The following C8orf48 variants were observed in gnomAD, a reference collection of about 807,000 sequenced individuals.
The protein encoded by C8orf48 is uncharacterized protein C8orf48.
For synonymous variants in C8orf48, 188 were observed against 138.2 expected, an observed-to-expected ratio of 1.36 and a Z score of -2.53; for missense variants, 580 against 363.3, an observed-to-expected ratio of 1.60 and a Z score of -4.85.
chr8:13,567,838 C>A lies in C8orf48; in HGVS notation c.847C>A (p.Gln283Lys). 1 of 1,551,828 alleles carries A rather than the reference C, an allele frequency of 6.4e-7. No individual in the cohort carries two copies. Among genetic ancestry groups the A allele is most frequent in the Non-Finnish European group, 8.7e-7 (1 of 1,147,016 alleles). The change falls in exon 1 of 1, where the codon CAG becomes AAG. Residue 283 changes from glutamine to lysine, a missense_variant. By Grantham distance (53) the Gln-to-Lys change is moderately conservative. Coordinates refer to ENST00000297324, the MANE Select transcript of C8orf48 (RefSeq NM_001007090.3). ...YSGFERSETEQKLQRDGNSAC... is the reference protein window; with the variant it reads ...YSGFERSETEKKLQRDGNSAC... ...TGGTTTTGAAAGATCAGAGACAGAG[C>A]AGAAGTTGCAGCGAGATGGAAATAG...
chr8:13,567,596 G>T lies in C8orf48; in HGVS notation c.605G>T (p.Cys202Phe), dbSNP rs752134623. The change falls in exon 1 of 1, where the codon TGT (cysteine) becomes TTT (phenylalanine). Residue 202 changes from cysteine to phenylalanine, a missense_variant. By Grantham distance (205) the Cys-to-Phe change is radical. Coordinates refer to ENST00000297324, the MANE Select transcript of C8orf48 (RefSeq NM_001007090.3). ...KQHISYQCPY[C>F]NRKRAELALS... The stretch of plus-strand genomic sequence containing the variant: ...CACATATCTTATCAGTGTCCCTATT[G>T]TAACAGGAAAAGAGCGGAGCTGGCC... 54 of 1,551,634 alleles carry T rather than the reference G, an allele frequency of 3.5e-5. No individual in the cohort carries two copies. The highest frequency in any genetic ancestry group is 3.3e-4 in the Middle Eastern group (2 of 6,014).
Position 13,567,323 on chromosome 8 carries a change from T to G in C8orf48, c.332T>G (p.Ile111Ser). Residue 111 changes from isoleucine to serine, a missense_variant, in exon 1 of 1, where the codon ATC becomes AGC. Ile to Ser is a moderately radical substitution (Grantham distance 142). Transcript: ENST00000297324. ...HQPDTKLPTE[I>S]TRVSDEELNA... The stretch of plus-strand genomic sequence containing the variant: ...CCAGACACCAAACTTCCAACAGAAA[T>G]CACTCGGGTATCAGATGAAGAATTG... 3.2e-6 allele frequency: 5 copies of G among 1,551,620 alleles called. No homozygotes were observed. The highest frequency in any genetic ancestry group is 4.4e-6 in the Non-Finnish European group (5 of 1,147,002).
Position 13,567,480 on chromosome 8 carries a change from C to G in C8orf48, c.489C>G (p.Ala163=). 6.4e-7 allele frequency: 1 copy of G among 1,552,054 alleles called. No homozygotes were observed. The highest frequency in any genetic ancestry group is 8.7e-7 in the Non-Finnish European group (1 of 1,147,048). The change falls in exon 1 of 1, where the codon GCC becomes GCG. Residue 163 remains alanine (A), a synonymous_variant. Transcript: ENST00000297324. ...GLDVEASERD[A]FSCTVPDELL... is the part of the protein sequence containing the mutation. The stretch of plus-strand genomic sequence containing the variant: ...ATGTAGAGGCTTCAGAGAGAGATGC[C>G]TTTAGTTGTACTGTACCCGATGAAC...
Position 13,567,891 on chromosome 8 carries a change from A to G in C8orf48, c.900A>G (p.Pro300=), listed in dbSNP as rs551603600. 3.2e-6 allele frequency: 5 copies of G among 1,551,968 alleles called. No individual in the cohort carries two copies. The South Asian group carries it at 5.9e-5, about 18-fold the overall frequency. The change falls in exon 1 of 1, where the codon CCA becomes CCG. Residue 300 remains proline, a synonymous_variant. Transcript: ENST00000297324. ...NSACHLPFSL[P]FLKRLTLIKP... ...CTTGTCATTTACCATTTTCTCTGCC[A>G]TTTCTCAAGCGACTTACTCTAATCA...
Position 13,567,107 on chromosome 8 carries a change from G to A in C8orf48, c.116G>A (p.Ser39Asn). 7 of 1,551,756 alleles carry A rather than the reference G, an allele frequency of 4.5e-6. No individual in the cohort carries two copies. Among genetic ancestry groups the A allele is most frequent in the African/African-American group, 1.4e-5 (1 of 73,182 alleles). The change falls in exon 1 of 1, where the codon AGC (serine) becomes AAC (asparagine). Residue 39 changes from serine (S) to asparagine (N), a missense_variant. Physicochemically the swap from Ser to Asn is conservative, Grantham distance 46 (BLOSUM62 1). Transcript: ENST00000297324. ...GAGGTACAGACTTCCAGCTCATTCA[G>A]CTCCTCTGGAGGACGGCAGTCCTCG... Reference protein sequence around the residue: ...TDEVQTSSSFSSSGGRQSSPL... With the variant: ...TDEVQTSSSFNSSGGRQSSPL...
Position 13,567,007 on chromosome 8 carries a change from G to A in C8orf48, c.16G>A (p.Glu6Lys). 3 of 1,549,606 alleles carry A rather than the reference G, an allele frequency of 1.9e-6. No individual in the cohort carries two copies. Among genetic ancestry groups the A allele is most frequent in the Non-Finnish European group, 1.7e-6 (2 of 1,145,552 alleles). ...ATGCATTGTGATGGCCATCTGCCCA[G>A]AATTGGCCCAAACGGACAAAAGTGC... is the stretch of plus-strand genomic sequence containing the variant. MAICP[E>K]LAQTDKSALA... Residue 6 changes from glutamate (E) to lysine (K), a missense_variant, in exon 1 of 1, where the codon GAA (glutamate) becomes AAA (lysine). Coordinates refer to ENST00000297324, the MANE Select transcript of C8orf48 (RefSeq NM_001007090.3).
At position 13,567,949 on chromosome 8, in the gene C8orf48, T is replaced by C. The variant is rs1320912910; in HGVS notation, c.958T>C (p.Ter320GlnextTer3). 3.2e-6 allele frequency: 5 copies of C among 1,539,380 alleles called. No homozygotes were observed. The highest frequency in any genetic ancestry group is 2.6e-6 in the Non-Finnish European group (3 of 1,141,846). ...PELVIVNDNV[*>Q] ...GCTGGTGATTGTTAATGATAATGTG[T>C]AATGTGGATAGATGTCTTTGTTGTG... Residue 320 changes from the stop codon to glutamine (Q), a stop_lost, in exon 1 of 1, where the codon TAA becomes CAA. Coordinates refer to ENST00000297324, the MANE Select transcript of C8orf48 (RefSeq NM_001007090.3).
rs1804500901 is a variant in C8orf48, at chr8:13,567,717, C to T, written c.726C>T (p.Thr242=). ...ATCTTCATACCAAAGACTTTCTCAC[C>T]CGTATTGGAGAAGCACATCAAGACT... is the stretch of plus-strand genomic sequence containing the variant. ...DEHLHTKDFL[T]RIGEAHQDFP... is the part of the protein sequence containing the mutation. Residue 242 remains threonine (T), a synonymous_variant, in exon 1 of 1, where the codon ACC becomes ACT. Coordinates refer to ENST00000297324, the MANE Select transcript of C8orf48 (RefSeq NM_001007090.3). 2.6e-6 allele frequency: 4 copies of T among 1,551,876 alleles called. No individual in the cohort carries two copies. Among genetic ancestry groups the T allele is most frequent in the South Asian group, 2.4e-5 (2 of 84,064 alleles).
Position 13,567,471 on chromosome 8 carries a change from G to T in C8orf48, c.480G>T (p.Glu160Asp). The T allele has an allele frequency of 6.4e-7, 1 of 1,552,088 alleles. No individual in the cohort carries two copies. Among genetic ancestry groups the T allele is most frequent in the South Asian group, 1.2e-5 (1 of 84,066 alleles). Reference sequence around the variant, plus strand: ...TTGGATTGGATGTAGAGGCTTCAGAGAGAGATGCCTTTAGTTGTACTGTAC... The same window carrying T: ...TTGGATTGGATGTAGAGGCTTCAGATAGAGATGCCTTTAGTTGTACTGTAC... ...LHLGLDVEAS[E>D]RDAFSCTVPD... The change falls in exon 1 of 1, where the codon GAG becomes GAT. Residue 160 changes from glutamate (E) to aspartate (D), a missense_variant. Coordinates refer to ENST00000297324, the MANE Select transcript of C8orf48 (RefSeq NM_001007090.3).
rs1366382896 is a variant in C8orf48, at chr8:13,566,998, A to G, written c.7A>G (p.Ile3Val). The change falls in exon 1 of 1, where the codon ATC becomes GTC. Residue 3 changes from isoleucine to valine, a missense_variant. Transcript: ENST00000297324. ...CCGAGCCTGATGCATTGTGATGGCC[A>G]TCTGCCCAGAATTGGCCCAAACGGA... is the stretch of plus-strand genomic sequence containing the variant. MAICPELAQTDKS... is the reference protein window; with the variant it reads MAVCPELAQTDKS... 13 of 1,544,674 alleles carry G rather than the reference A, an allele frequency of 8.4e-6. No homozygotes were observed. The highest frequency in any genetic ancestry group is 5.9e-5 in the Admixed American group (3 of 50,424).
At position 13,567,773 on chromosome 8, in the gene C8orf48, T is replaced by G; in HGVS notation, c.782T>G (p.Ile261Ser). 1 of 1,551,948 alleles carries G rather than the reference T, an allele frequency of 6.4e-7. No individual in the cohort carries two copies. Among genetic ancestry groups the G allele is most frequent in the South Asian group, 1.2e-5 (1 of 84,068 alleles). Reference sequence around the variant, plus strand: ...AGGCTTTCAGATGACCCCAGAATAATCTGGAAAAGACTGACTGAGAAAAGT... The same window carrying G: ...AGGCTTTCAGATGACCCCAGAATAAGCTGGAAAAGACTGACTGAGAAAAGT... ...FPRLSDDPRI[I>S]WKRLTEKSHI... The change falls in exon 1 of 1, where the codon ATC becomes AGC. Residue 261 changes from isoleucine to serine, a missense_variant. Ile to Ser is a moderately radical substitution (Grantham distance 142). Coordinates refer to ENST00000297324, the MANE Select transcript of C8orf48 (RefSeq NM_001007090.3).
the C8orf48 span, chr8:13,567,405 T>TCTACG: frequency 3.2e-6 from 5 of 1,551,592 alleles, no homozygotes; most frequent in African/African-American, 6.8e-5. Context: ...GTAGAGGGGA[T>TCTACG]TCTAAGAAGA....
At position 13,567,329 on chromosome 8, in the gene C8orf48, G is replaced by T. The variant is rs772088115; in HGVS notation, c.338G>T (p.Arg113Leu). 1 of 1,551,590 alleles carries T rather than the reference G, an allele frequency of 6.4e-7. No individual in the cohort carries two copies. The highest frequency in any genetic ancestry group is 2.0e-5 in the Admixed American group (1 of 51,002). ...PDTKLPTEIT[R>L]VSDEELNALQ... ...ACCAAACTTCCAACAGAAATCACTC[G>T]GGTATCAGATGAAGAATTGAATGCC... The change falls in exon 1 of 1, where the codon CGG (arginine) becomes CTG (leucine). Residue 113 changes from arginine (R) to leucine (L), a missense_variant. Arg to Leu is a moderately radical substitution (Grantham distance 102). Transcript: ENST00000297324.
At position 13,567,912 on chromosome 8, in the gene C8orf48, A is replaced by C. The variant is rs767563531; in HGVS notation, c.921A>C (p.Leu307=). The change falls in exon 1 of 1, where the codon CTA becomes CTC. Residue 307 remains leucine, a synonymous_variant. Coordinates refer to ENST00000297324, the MANE Select transcript of C8orf48 (RefSeq NM_001007090.3). Reference sequence around the variant, plus strand: ...TGCCATTTCTCAAGCGACTTACTCTAATCAAACCAGAGCTGGTGATTGTTA... The same window carrying C: ...TGCCATTTCTCAAGCGACTTACTCTCATCAAACCAGAGCTGGTGATTGTTA... ...FSLPFLKRLT[L]IKPELVIVND... is the part of the protein sequence containing the mutation. The C allele has an allele frequency of 6.4e-7, 1 of 1,551,782 alleles. No individual in the cohort carries two copies. The highest frequency in any genetic ancestry group is 1.2e-5 in the South Asian group (1 of 83,980).
At position 13,567,857 on chromosome 8, in the gene C8orf48, G is replaced by A; in HGVS notation, c.866G>A (p.Gly289Glu). 1 of 1,551,814 alleles carries A rather than the reference G, an allele frequency of 6.4e-7. No homozygotes were observed. The highest frequency in any genetic ancestry group is 1.2e-5 in the South Asian group (1 of 84,056). The change falls in exon 1 of 1, where the codon GGA (glycine) becomes GAA (glutamate). Residue 289 changes from glycine to glutamate, a missense_variant. By Grantham distance (98) the Gly-to-Glu change is moderately conservative. Transcript: ENST00000297324. ...ACAGAGCAGAAGTTGCAGCGAGATGGAAATAGTGCTTGTCATTTACCATTT... is the reference window on the plus strand; with the variant it reads ...ACAGAGCAGAAGTTGCAGCGAGATGAAAATAGTGCTTGTCATTTACCATTT... Reference protein sequence around the residue: ...SETEQKLQRDGNSACHLPFSL... With the variant: ...SETEQKLQRDENSACHLPFSL...
rs957417070 is a variant in C8orf48, at chr8:13,566,912, G to T, written c.-80G>T. 6.9e-7 allele frequency: 1 copy of T among 1,446,578 alleles called. No individual in the cohort carries two copies. Among genetic ancestry groups the T allele is most frequent in the Non-Finnish European group, 9.1e-7 (1 of 1,095,952 alleles). 89.6% of individuals were successfully genotyped at this position (1,446,578 alleles called of 1,614,324 possible). A position where few individuals can be genotyped will look rare whatever the true frequency, so the allele number is the denominator to read the frequency against. ...CTGATGGCATTGAGATCCATTCCCG[G>T]AGGGGTCAGCTCCTGACGGGTTCCT... On this transcript the variant is annotated 5_prime_UTR_variant, in exon 1 of 1. Transcript: ENST00000297324.
rs890940475 is a variant in C8orf48, at chr8:13,567,234, G to A, written c.243G>A (p.Lys81=). ...SELLDYKNYE[K]KLSKKWINYL... Reference sequence around the variant, plus strand: ...TTTTGGACTATAAAAATTATGAAAAGAAGTTGAGTAAAAAATGGATCAACT... The same window carrying A: ...TTTTGGACTATAAAAATTATGAAAAAAAGTTGAGTAAAAAATGGATCAACT... Residue 81 remains lysine (K), a synonymous_variant, in exon 1 of 1, where the codon AAG becomes AAA. Transcript: ENST00000297324. 4 of 1,551,584 alleles carry A rather than the reference G, an allele frequency of 2.6e-6. No homozygotes were observed. The highest frequency in any genetic ancestry group is 3.5e-6 in the Non-Finnish European group (4 of 1,147,004).
chr8:13,567,890 C>A lies in C8orf48; in HGVS notation c.899C>A (p.Pro300Gln), dbSNP rs1187694989. 6.4e-7 allele frequency: 1 copy of A among 1,551,970 alleles called. No individual in the cohort carries two copies. The highest frequency in any genetic ancestry group is 8.7e-7 in the Non-Finnish European group (1 of 1,147,016). The change falls in exon 1 of 1, where the codon CCA becomes CAA. Residue 300 changes from proline to glutamine, a missense_variant. Pro to Gln is a moderately conservative substitution (Grantham distance 76). Transcript: ENST00000297324. ...GCTTGTCATTTACCATTTTCTCTGC[C>A]ATTTCTCAAGCGACTTACTCTAATC... ...NSACHLPFSL[P>Q]FLKRLTLIKP...
chr8:13,566,931 G>C lies in C8orf48; in HGVS notation c.-61G>C. The C allele has an allele frequency of 6.8e-7, 1 of 1,467,934 alleles. No individual in the cohort carries two copies. Among genetic ancestry groups the C allele is most frequent in the Non-Finnish European group, 9.0e-7 (1 of 1,107,960 alleles). 90.9% of individuals were successfully genotyped at this position (1,467,934 alleles called of 1,614,324 possible). On this transcript the variant is annotated 5_prime_UTR_variant, in exon 1 of 1. Coordinates refer to ENST00000297324, the MANE Select transcript of C8orf48 (RefSeq NM_001007090.3). The stretch of plus-strand genomic sequence containing the variant: ...TTCCCGGAGGGGTCAGCTCCTGACG[G>C]GTTCCTGAGCCAGTCTTAACCTGGG...
Sources: allele counts gnomAD v4.1 joint callset, GRCh38; gene constraint gnomAD v4.1.1; transcripts MANE v1.5; gene names NCBI Gene and HGNC (gene_info 2026-07-23, HGNC 2026-07-21).